Variants in PITPNC1 observed in about 807,000 individuals in gnomAD.
PITPNC1 encodes the protein cytoplasmic phosphatidylinositol transfer protein 1.
PITPNC1 carries 18 observed loss-of-function variants against 44.7 expected under a neutral mutation model. The observed-to-expected ratio is 0.40, with a 90% CI of 0.28 to 0.60. The LOEUF is 0.60. PITPNC1 is among the 20% of genes least tolerant of loss of function. The pLI is 0.39. For synonymous variants in PITPNC1, 141 were observed against 149.6 expected, an observed-to-expected ratio of 0.94 and a Z score of 0.42; for missense variants, 290 against 418.4, an observed-to-expected ratio of 0.69 and a Z score of 2.68.
At chr17:67,620,681 A>G (rs537602979) in intron 5 of PITPNC1, among the ~76,000 whole-genome samples, 1 of 152,284 alleles carries the variant, frequency 6.6e-6, no homozygotes, top group African/African-American at 2.4e-5. Context: ...TGTCCACCAG[A>G]AAGGGTTCTC....
chr17:67,457,111 C>A (rs928450044), intron 1 of PITPNC1: 4 of 152,090 alleles, frequency 2.6e-5, no homozygotes, highest in African/African-American at 9.7e-5. Context: ...TATCACTTCA[C>A]CCCTCCTTAG....
At chr17:67,535,265 G>A (rs2040512293) in intron 2 of PITPNC1, among the ~76,000 whole-genome samples, 1 of 152,208 alleles carries the variant, frequency 6.6e-6, no homozygotes, top group Non-Finnish European at 1.5e-5. Context: ...ACAGAGACAG[G>A]TTTCTCAACA....
chr17:67,648,547 G>A (rs758747263), intron 6 of PITPNC1, among the ~76,000 whole-genome samples: 12 of 152,108 alleles, frequency 7.9e-5, no homozygotes, highest in Non-Finnish European at 1.5e-4. Context: ...ATTGCCAAAC[G>A]GAACAGGTTA....
At chr17:67,578,035 G>T (rs900275942) in intron 4 of PITPNC1, 151 bp from the exon 5 acceptor site, 6 of 694,516 alleles carry the variant, frequency 8.6e-6, no homozygotes, top group Non-Finnish European at 1.6e-5. Context: ...GCTTTCCTTT[G>T]TCTGAATTTG....
intron 1 of PITPNC1, chr17:67,379,439 T>C (rs1015174572): frequency 2.9e-5 from 26 of 892,896 alleles, no homozygotes; most frequent in Non-Finnish European, 3.5e-5. Context: ...AGCTGCAAGT[T>C]TACAAAACGC....
At chr17:67,386,489 C>T (rs1236272646) in intron 1 of PITPNC1, among the ~76,000 whole-genome samples, 4 of 152,116 alleles carry the variant, frequency 2.6e-5, no homozygotes, top group African/African-American at 9.7e-5. Flanking sequence ...CACTGCGCCC[C>T]GCCTAAACTA....
chr17:67,663,294 G>A (rs1316621622), intron 6 of PITPNC1, among the ~76,000 whole-genome samples: 2 of 152,168 alleles, frequency 1.3e-5, no homozygotes, highest in Non-Finnish European at 2.9e-5. Flanking sequence ...AGTAGGCCGG[G>A]CGCGGTGGCT....
At chr17:67,682,933 G>A (rs965904308) in intron 8 of PITPNC1, among the ~76,000 whole-genome samples, 1 of 151,918 alleles carries the variant, frequency 6.6e-6, no homozygotes, top group African/African-American at 2.4e-5. Flanking sequence ...AGGCCGAGGC[G>A]GGTGAATCAC....
At chr17:67,579,377 T>G (rs892297) in intron 5 of PITPNC1, among the ~76,000 whole-genome samples, 3,716 of 152,178 alleles carry the variant, frequency 0.024, 162 homozygotes, top group African/African-American at 0.085. Flanking sequence ...TTCCCCAGAG[T>G]TCATGGAACT....
chr17:67,452,538 G>T (rs2039197340), intron 1 of PITPNC1, among the ~76,000 whole-genome samples: 1 of 147,052 alleles, frequency 6.8e-6, no homozygotes, highest in Admixed American at 6.7e-5. Context: ...TTTTGAGATG[G>T]AGTCTCACTC....
rs771612904 is a variant in PITPNC1 at position 67,378,211 on chromosome 17, C to G, written c.48+9C>G. Reference sequence around the variant, plus strand: ...CGCTCACCGTAGACGAGGTAAGCGCCGCGCCCGGCCCGGCCTCGCCCGCTC... The same window carrying G: ...CGCTCACCGTAGACGAGGTAAGCGCGGCGCCCGGCCCGGCCTCGCCCGCTC... On this transcript the variant is annotated intron_variant, in intron 1 of 8. Coordinates refer to ENST00000581322, the MANE Select transcript of PITPNC1 (RefSeq NM_012417.4). 43 of 1,522,090 alleles carry G rather than the reference C, an allele frequency of 2.8e-5. No individual in the cohort carries two copies. The highest frequency in any genetic ancestry group is 1.4e-5 in the African/African-American group (1 of 69,614). The allele number at this position is 1,522,090 out of a possible 1,614,324, so 94.3% of individuals were successfully genotyped here. A position where few individuals can be genotyped will look rare whatever the true frequency, so the allele number is the denominator to read the frequency against.
intron 1 of PITPNC1, among the ~76,000 whole-genome samples, chr17:67,494,713 G>A (rs1227729652): frequency 1.3e-5 from 2 of 151,930 alleles, no homozygotes; most frequent in East Asian, 1.9e-4. Context: ...GCTCACGCCT[G>A]TAATCCCCAG....
rs112813327 is a variant in PITPNC1 at position 67,494,178 on chromosome 17, T to C, written c.49-38624T>C. 6.5e-3 allele frequency among the ~76,000 whole-genome samples: 401 copies of C among 61,298 alleles called. 4 individuals are homozygous for C. Among genetic ancestry groups the C allele is most frequent in the Middle Eastern group, 0.026 (2 of 78 alleles). The allele number at this position is 61,298 out of a possible 152,430, so 40.2% of individuals were successfully genotyped here. ...TGTGTAACCTCTTTCTTTCTTTCTT[T>C]CTTTCTTTTTCTTTCTTTCTTTCTT... On this transcript the variant is annotated intron_variant, in intron 1 of 8. Coordinates refer to ENST00000581322, the MANE Select transcript of PITPNC1 (RefSeq NM_012417.4).
At chr17:67,528,410 GGC>G (rs1205691282) in intron 1 of PITPNC1, among the ~76,000 whole-genome samples, 1 of 152,182 alleles carries the variant, frequency 6.6e-6, no homozygotes, top group Non-Finnish European at 1.5e-5. Context: ...TGCACTAATG[GGC>G]AATCAATAAA....
At chr17:67,483,240 C>A (rs998971460) in intron 1 of PITPNC1, among the ~76,000 whole-genome samples, 3 of 152,184 alleles carry the variant, frequency 2.0e-5, no homozygotes, top group Admixed American at 1.3e-4. Context: ...AGAATTTGAA[C>A]TTGTAGCCAA....
At chr17:67,532,655 G>A in intron 1 of PITPNC1, 147 bp from the exon 2 acceptor site, 1 of 556,746 alleles carries the variant, frequency 1.8e-6, no homozygotes, top group South Asian at 2.8e-5. Context: ...TAGCTCCCGA[G>A]GAAAAGTAAC....
At chr17:67,646,646 C>A (rs1302875093) in intron 6 of PITPNC1, among the ~76,000 whole-genome samples, 1 of 152,166 alleles carries the variant, frequency 6.6e-6, no homozygotes, top group South Asian at 2.1e-4. Flanking sequence ...ACCACAGCCT[C>A]CTGACTACCA....
At chr17:67,647,469 T>TG (rs1312821301) in intron 6 of PITPNC1, among the ~76,000 whole-genome samples, 4 of 93,140 alleles carry the variant, frequency 4.3e-5, no homozygotes, top group Non-Finnish European at 7.9e-5. Context: ...TTTGGGTTTT[T>TG]TTTTTTTTTT....
rs560343802 is a variant in PITPNC1 at position 67,580,293 on chromosome 17, T to A, written c.366+2036T>A. ...CTGTGGACTCTCATGAAAAGGATAATAAAGTTCAGTTGCTTGAATTGCTTT... is the reference window on the plus strand; with the variant it reads ...CTGTGGACTCTCATGAAAAGGATAAAAAAGTTCAGTTGCTTGAATTGCTTT... On this transcript the variant is annotated intron_variant, in intron 5 of 8. Coordinates refer to ENST00000581322, the MANE Select transcript of PITPNC1 (RefSeq NM_012417.4). Among the ~76,000 whole-genome samples the A allele has an allele frequency of 1.6e-3, 242 of 152,286 alleles. 1 individual carries two copies. Among genetic ancestry groups the A allele is most frequent in the African/African-American group, 5.5e-3 (228 of 41,568 alleles).
Sources: allele counts gnomAD v4.1 joint callset (sites outside exome capture counted in the v4.1 genomes callset), GRCh38; gene constraint gnomAD v4.1.1; transcripts MANE v1.5; gene names NCBI Gene and HGNC (gene_info 2026-07-23, HGNC 2026-07-21).